Variants in SLC39A9 observed in about 807,000 individuals in gnomAD.
SLC39A9 encodes solute carrier family 39 member 9.
A neutral mutation model predicts 28.4 loss-of-function variants in SLC39A9; 14 were observed. The ratio of observed to expected loss-of-function variants is 0.49; its 90% CI spans 0.33 to 0.77. The LOEUF (loss-of-function observed/expected upper bound fraction) is 0.77, where lower values mean the gene tolerates loss of function less well. Among genes scored for constraint, SLC39A9 ranks in the 30% least tolerant of loss-of-function variants. The pLI is 0.02. For missense variants in SLC39A9, 283 were observed against 381.1 expected (o/e 0.74, Z 2.14); for synonymous variants, 119 against 149.6 (o/e 0.80, Z 1.49).
At chr14:69,425,441 G>C (rs1339016093) in intron 2 of SLC39A9, among the ~76,000 whole-genome samples, 2 of 152,128 alleles carry the variant, frequency 1.3e-5, no homozygotes, top group Non-Finnish European at 2.9e-5. Context: ...AAAATTCCTT[G>C]AGGAAGAGGC....
In SLC39A9 at chr14:69,442,114, A is replaced by G. The variant is rs1231444147; in HGVS notation, c.251A>G (p.Asp84Gly). The change falls in exon 3 of 7, where the codon GAC becomes GGC. Residue 84 changes from aspartate to glycine, a missense_variant. Coordinates refer to ENST00000336643, the MANE Select transcript of SLC39A9 (RefSeq NM_018375.5). ...GAAACACATAATGTGATTGCATCAG[A>G]CAAAGCAGCAGAAAAATCAGTTGTC... ...ASETHNVIAS[D>G]KAAEKSVVHE... The G allele has an allele frequency of 1.2e-6, 2 of 1,614,114 alleles. No individual in the cohort carries two copies. Among genetic ancestry groups the G allele is most frequent in the African/African-American group, 2.7e-5 (2 of 74,934 alleles).
At chr14:69,426,172 TCTACCTGGAGG>T (rs1427273244) in intron 2 of SLC39A9, among the ~76,000 whole-genome samples, 3 of 152,158 alleles carry the variant, frequency 2.0e-5, no homozygotes, top group Admixed American at 6.5e-5. Context: ...TCTGACGCTG[TCTACCTGGAGG>T]CAGTATCAGA....
intron 2 of SLC39A9, among the ~76,000 whole-genome samples, chr14:69,438,509 AATT>A (rs1884890255): frequency 6.6e-6 from 1 of 152,216 alleles, no homozygotes; most frequent in Admixed American, 6.5e-5. Flanking sequence ...ATTAAATACT[AATT>A]AATGTAAAAA....
chr14:69,418,661 A>G (rs28831776), intron 1 of SLC39A9, among the ~76,000 whole-genome samples: 11 of 152,048 alleles, frequency 7.2e-5, no homozygotes, highest in Admixed American at 7.2e-4. Context: ...TTGGTAGGCT[A>G]TTAATTATTG....
At chr14:69,442,787 C>G (rs1235953454) in intron 3 of SLC39A9, among the ~76,000 whole-genome samples, 1 of 152,070 alleles carries the variant, frequency 6.6e-6, no homozygotes, top group African/African-American at 2.4e-5. Context: ...AGTATGCTAG[C>G]TATTACATAA....
At position 69,399,288 on chromosome 14, in the gene SLC39A9, A is replaced by G. The variant is rs1882487996; in HGVS notation, c.-82A>G. On this transcript the variant is annotated 5_prime_UTR_variant, in exon 1 of 7. Transcript: ENST00000336643. ...AAGCCCACTCTCTTGGAACCACCAC[A>G]CCTGTTTAAAGAACCTAAGCACCAT... The G allele has an allele frequency of 3.3e-6, 4 of 1,228,524 alleles. No individual in the cohort carries two copies. The highest frequency in any genetic ancestry group is 1.3e-5 in the South Asian group (1 of 79,354). 76.1% of individuals were successfully genotyped at this position (1,228,524 alleles called of 1,614,324 possible). A position where few individuals can be genotyped will look rare whatever the true frequency, so the allele number is the denominator to read the frequency against.
chr14:69,422,835 A>G (rs957522055), intron 1 of SLC39A9, among the ~76,000 whole-genome samples: 4 of 151,984 alleles, frequency 2.6e-5, no homozygotes, highest in African/African-American at 9.7e-5. Context: ...CCACCCACCT[A>G]GTTGTAGTTT....
intron 3 of SLC39A9, among the ~76,000 whole-genome samples, chr14:69,451,730 T>C (rs1885619030): frequency 2.0e-5 from 3 of 152,206 alleles, no homozygotes; most frequent in Admixed American, 6.5e-5. Context: ...TTTTAATTTT[T>C]CTTGAGACAA....
chr14:69,414,816 A>G (rs1883481528), intron 1 of SLC39A9, among the ~76,000 whole-genome samples: 1 of 152,328 alleles, frequency 6.6e-6, no homozygotes, highest in African/African-American at 2.4e-5. Flanking sequence ...ATCACTGGTC[A>G]CCAGAGGCAG....
At chr14:69,422,707 C>G (rs1371490067) in intron 1 of SLC39A9, among the ~76,000 whole-genome samples, 1 of 152,184 alleles carries the variant, frequency 6.6e-6, no homozygotes, top group African/African-American at 2.4e-5. Flanking sequence ...GTCTCAGACT[C>G]CCAAGTAGCT....
intron 1 of SLC39A9, among the ~76,000 whole-genome samples, chr14:69,409,129 C>T (rs1265637655): frequency 6.6e-6 from 1 of 152,070 alleles, no homozygotes; most frequent in Non-Finnish European, 1.5e-5. Context: ...TTGGAAAATA[C>T]GGTAACGTAT....
At position 69,460,795 on chromosome 14, in the gene SLC39A9, C is replaced by T; in HGVS notation, c.*2202C>T. The stretch of plus-strand genomic sequence containing the variant: ...TCAGGGCCCTCTTAGCTCTCAGAAG[C>T]TATGTATGGGCTTTCCCAGATTTTA... On this transcript the variant is annotated 3_prime_UTR_variant, in exon 7 of 7. Coordinates refer to ENST00000336643, the MANE Select transcript of SLC39A9 (RefSeq NM_018375.5). 2 of 985,468 alleles carry T rather than the reference C, an allele frequency of 2.0e-6. No homozygotes were observed. The highest frequency in any genetic ancestry group is 2.4e-6 in the Non-Finnish European group (2 of 829,948). The allele number at this position is 985,468 out of a possible 1,614,324, so 61.0% of individuals were successfully genotyped here.
At chr14:69,448,317 A>C (rs1566923722) in intron 3 of SLC39A9, among the ~76,000 whole-genome samples, 1 of 152,168 alleles carries the variant, frequency 6.6e-6, no homozygotes, top group Non-Finnish European at 1.5e-5. Context: ...ACTTAAAGCA[A>C]AACAAACAAA....
intron 3 of SLC39A9, among the ~76,000 whole-genome samples, chr14:69,448,901 T>C (rs1885469140): frequency 6.6e-6 from 1 of 152,244 alleles, no homozygotes. Flanking sequence ...AATGTGTGTG[T>C]GTACAGAGAG....
chr14:69,411,748 A>G (rs1474830352), intron 1 of SLC39A9, among the ~76,000 whole-genome samples: 1 of 152,150 alleles, frequency 6.6e-6, no homozygotes, highest in African/African-American at 2.4e-5. Context: ...GCTTAAAATA[A>G]ATCAGATTGA....
chr14:69,405,833 A>C (rs61982390), intron 1 of SLC39A9, among the ~76,000 whole-genome samples: 9,295 of 152,270 alleles, frequency 0.061, 316 homozygotes, highest in Middle Eastern at 0.088. Context: ...ACTTATCTGC[A>C]TAATAATATT....
At position 69,403,557 on chromosome 14, in the gene SLC39A9, AG is replaced by A. The variant is rs1288663502; in HGVS notation, c.96+4094del. ...AATACACTTATAAAAATGAAATAGT[AG>A]GAAAATGAAGTGAAAAAAAGACATA... On this transcript the variant is annotated intron_variant, in intron 1 of 6. Coordinates refer to ENST00000336643, the MANE Select transcript of SLC39A9 (RefSeq NM_018375.5). 2.6e-5 allele frequency among the ~76,000 whole-genome samples: 4 copies of A among 152,350 alleles called. No homozygotes were observed. The East Asian group carries it at 5.8e-4, about 22-fold the overall frequency.
At chr14:69,410,927 A>C (rs991465656) in intron 1 of SLC39A9, among the ~76,000 whole-genome samples, 3 of 152,054 alleles carry the variant, frequency 2.0e-5, no homozygotes, top group Non-Finnish European at 4.4e-5. Context: ...AAAAGCTTTT[A>C]AAGACTGGAT....
intron 3 of SLC39A9, among the ~76,000 whole-genome samples, chr14:69,446,011 A>G (rs1480472252): frequency 6.7e-6 from 1 of 148,488 alleles, no homozygotes; most frequent in African/African-American, 2.5e-5. Context: ...CCATAAACAA[A>G]TACTGAACTC....
Sources: allele counts gnomAD v4.1 joint callset (sites outside exome capture counted in the v4.1 genomes callset), GRCh38; gene constraint gnomAD v4.1.1; transcripts MANE v1.5; gene names NCBI Gene and HGNC (gene_info 2026-07-23, HGNC 2026-07-21).